CNTNAP2: variants seen among roughly 807,000 people sequenced by gnomAD.
CNTNAP2 encodes contactin-associated protein-like 2.
A neutral mutation model predicts 155.2 loss-of-function variants in CNTNAP2; 98 were observed. The observed-to-expected ratio is 0.63, with a 90% CI of 0.54 to 0.75. The LOEUF (loss-of-function observed/expected upper bound fraction) is 0.75. Among genes scored for constraint, CNTNAP2 ranks in the 30% least tolerant of loss-of-function variants. The probability of loss-of-function intolerance (pLI) is 0.00; values close to 1 mark genes in which losing one functional copy is unlikely to be tolerated. For missense variants in CNTNAP2, 1,727 were observed against 1,688.1 expected, an observed-to-expected ratio of 1.02 and a Z score of -0.40; for synonymous variants, 651 against 631.2, an observed-to-expected ratio of 1.03 and a Z score of -0.47.
intron 20 of CNTNAP2, among the ~76,000 whole-genome samples, chr7:148,237,381 T>TATAACTA (rs1257036610): frequency 6.6e-6 from 1 of 152,138 alleles, no homozygotes; most frequent in Non-Finnish European, 1.5e-5. Context: ...ACTATAAGGC[T>TATAACTA]TTGAAGGAAG....
intron 5 of CNTNAP2, among the ~76,000 whole-genome samples, chr7:147,118,460 A>C (rs1294220017): frequency 2.0e-5 from 3 of 152,212 alleles, no homozygotes; most frequent in Admixed American, 1.3e-4. Flanking sequence ...AATATATAAT[A>C]TTAAGTAAAA....
At chr7:147,785,960 C>T (rs1298398132) in intron 13 of CNTNAP2, among the ~76,000 whole-genome samples, 2 of 151,716 alleles carry the variant, frequency 1.3e-5, no homozygotes, top group Non-Finnish European at 2.9e-5. Flanking sequence ...CCACCGCACT[C>T]CACCCTTGGT....
intron 1 of CNTNAP2, among the ~76,000 whole-genome samples, chr7:146,655,809 TA>T (rs1394628731): frequency 2.6e-5 from 4 of 152,232 alleles, no homozygotes; most frequent in African/African-American, 9.6e-5. Context: ...TGGCTAATTG[TA>T]AAGTAGAATC....
At chr7:148,212,234 G>A (rs1221892499) in intron 18 of CNTNAP2, among the ~76,000 whole-genome samples, 1 of 151,814 alleles carries the variant, frequency 6.6e-6, no homozygotes, top group Non-Finnish European at 1.5e-5. Context: ...AATAATTGGT[G>A]GATTTTATGT....
Position 148,271,884 on chromosome 7 carries a change from C to T in CNTNAP2, c.3475+4758C>T, listed in dbSNP as rs147620863. On this transcript the variant is annotated intron_variant, in intron 21 of 23. Coordinates refer to ENST00000361727, the MANE Select transcript of CNTNAP2 (RefSeq NM_014141.6). ...TTGAACTTGCAACTGATATGTACTC[C>T]GGCCAGGTTTTGAAACCCCCTGGAG... Among the ~76,000 whole-genome samples, 460 of 152,200 alleles carry T rather than the reference C, an allele frequency of 3.0e-3. 3 individuals are homozygous for T. The highest frequency in any genetic ancestry group is 0.01 in the African/African-American group (425 of 41,528).
At chr7:146,483,308 T>A (rs1447308087) in intron 1 of CNTNAP2, among the ~76,000 whole-genome samples, 39 of 112,224 alleles carry the variant, frequency 3.5e-4, no homozygotes, top group Admixed American at 2.5e-3. Context: ...TATATATATA[T>A]ATATATATAT....
rs115609044 is a variant in CNTNAP2 at position 146,152,258 on chromosome 7, C to G, written c.97+35285C>G. Among the ~76,000 whole-genome samples the G allele has an allele frequency of 5.3e-3, 799 of 151,838 alleles. 6 individuals are homozygous for G. The highest frequency in any genetic ancestry group is 0.018 in the African/African-American group (756 of 41,428). ...GGAAATTATGTTAAATGAAATAAGC[C>G]AGACATAGAAAGACAATCACTGCAT... On this transcript the variant is annotated intron_variant, in intron 1 of 23. Coordinates refer to ENST00000361727, the MANE Select transcript of CNTNAP2 (RefSeq NM_014141.6).
At position 147,108,250 on chromosome 7, in the gene CNTNAP2, G is replaced by A. The variant is rs776620656; in HGVS notation, c.654G>A (p.Thr218=). 44 of 1,613,530 alleles carry A rather than the reference G, an allele frequency of 2.7e-5. No individual in the cohort carries two copies. Among genetic ancestry groups the A allele is most frequent in the Admixed American group, 2.2e-4 (13 of 59,950 alleles). Residue 218 remains threonine (T), a synonymous_variant, in exon 5 of 24, where the codon ACG becomes ACA. Transcript: ENST00000361727. ...ATGTCATTGCCTTGAACTTTAAGAC[G>A]TCTGAAAGTGAAGGAGTAATCCTGC... ...LKDVIALNFK[T]SESEGVILHG... is the part of the protein sequence containing the mutation.
At chr7:148,368,526 G>GTC (rs1798825440) in intron 21 of CNTNAP2, among the ~76,000 whole-genome samples, 1 of 152,196 alleles carries the variant, frequency 6.6e-6, no homozygotes, top group South Asian at 2.1e-4. Context: ...CTTCACTACA[G>GTC]TGAGCGACAA....
At chr7:146,897,819 G>A (rs1319086437) in intron 3 of CNTNAP2, among the ~76,000 whole-genome samples, 1 of 151,938 alleles carries the variant, frequency 6.6e-6, no homozygotes, top group Non-Finnish European at 1.5e-5. Context: ...AGATATATTT[G>A]TCTAAGTTTA....
chr7:147,809,063 G>T (rs1482414659), intron 13 of CNTNAP2, among the ~76,000 whole-genome samples: 1 of 152,130 alleles, frequency 6.6e-6, no homozygotes, highest in African/African-American at 2.4e-5. Context: ...AAATGATTCA[G>T]TGATTAGTGA....
chr7:147,738,388 TG>T (rs1796894486), intron 13 of CNTNAP2, among the ~76,000 whole-genome samples: 1 of 127,076 alleles, frequency 7.9e-6, no homozygotes, highest in Non-Finnish European at 2.0e-5. Context: ...GGAAGTCAAT[TG>T]ATGTGGCAAA....
At chr7:146,333,078 G>A (rs1801212714) in intron 1 of CNTNAP2, among the ~76,000 whole-genome samples, 1 of 151,336 alleles carries the variant, frequency 6.6e-6, no homozygotes, top group Non-Finnish European at 1.5e-5. Context: ...CGAGTAGGTA[G>A]GATTATAGGC....
intron 1 of CNTNAP2, among the ~76,000 whole-genome samples, chr7:146,667,331 A>G (rs770861518): frequency 4.6e-5 from 7 of 152,090 alleles, no homozygotes; most frequent in African/African-American, 1.7e-4. Context: ...ATTTTGTTCC[A>G]TTAGCCTATA....
chr7:146,572,453 C>A (rs539692426), intron 1 of CNTNAP2, among the ~76,000 whole-genome samples: 1 of 152,012 alleles, frequency 6.6e-6, no homozygotes. Flanking sequence ...TTTACTTGAT[C>A]TTTCATAATG....
chr7:146,750,723 G>A (rs563466637), intron 1 of CNTNAP2, among the ~76,000 whole-genome samples: 1 of 152,192 alleles, frequency 6.6e-6, no homozygotes, highest in South Asian at 2.1e-4. Flanking sequence ...TTTGAGAGGT[G>A]GCATGGCCAG....
chr7:147,483,769 A>G (rs964539887), intron 10 of CNTNAP2, among the ~76,000 whole-genome samples: 2 of 152,172 alleles, frequency 1.3e-5, no homozygotes, highest in Non-Finnish European at 2.9e-5. Context: ...GCTTCCTTCC[A>G]TCATATGCAG....
chr7:146,889,393 G>C (rs1275011833), intron 3 of CNTNAP2, among the ~76,000 whole-genome samples: 2 of 152,028 alleles, frequency 1.3e-5, no homozygotes, highest in African/African-American at 2.4e-5. Context: ...AAACTCTACT[G>C]TTTATTAAAT....
chr7:146,829,049 C>G (rs1479925906), intron 2 of CNTNAP2, among the ~76,000 whole-genome samples: 1 of 151,960 alleles, frequency 6.6e-6, no homozygotes, highest in South Asian at 2.1e-4. Context: ...CTCTTATAAT[C>G]TTAGGGTAAT....
Sources: allele counts gnomAD v4.1 joint callset (sites outside exome capture counted in the v4.1 genomes callset), GRCh38; gene constraint gnomAD v4.1.1; transcripts MANE v1.5; gene names NCBI Gene and HGNC (gene_info 2026-07-23, HGNC 2026-07-21).